ANK2: variants seen among roughly 807,000 people sequenced by gnomAD.
ANK2 encodes ankyrin 2, also known as ankyrin-2.
In ANK2, 83 loss-of-function variants were observed where a neutral mutation model predicts 360.5. That is an observed-to-expected ratio of 0.23 (90% CI 0.19 to 0.28). The LOEUF (loss-of-function observed/expected upper bound fraction) is 0.28. ANK2 is among the 10% of genes least tolerant of loss of function. ANK2 has a pLI of 1.00. For synonymous variants in ANK2, 1,740 were observed against 1,759.5 expected (o/e 0.99, Z 0.28); for missense variants, 4,201 against 4,795.7 (o/e 0.88, Z 3.66).
chr4:113,270,230 A>T (rs2057980969), intron 14 of ANK2, among the ~76,000 whole-genome samples: 1 of 152,214 alleles, frequency 6.6e-6, no homozygotes, highest in Non-Finnish European at 1.5e-5. Flanking sequence ...GTCTTAAAGT[A>T]AAACCCCTTA....
chr4:112,747,080 CCAA>C, the ANK2 span, among the ~76,000 whole-genome samples: 68 of 152,146 alleles, frequency 4.5e-4, no homozygotes, highest in Non-Finnish European at 3.8e-4. Flanking sequence ...GGGAGCAACA[CCAA>C]CCTTATCTCT....
At chr4:112,705,875 C>G in the ANK2 span, among the ~76,000 whole-genome samples, 246 of 152,032 alleles carry the variant, frequency 1.6e-3, no homozygotes, top group Non-Finnish European at 1.8e-3. Context: ...GCTTGCCCAG[C>G]CCCGCGGCCA....
At chr4:112,717,318 G>A in the ANK2 span, among the ~76,000 whole-genome samples, 9 of 151,842 alleles carry the variant, frequency 5.9e-5, no homozygotes, top group African/African-American at 1.2e-4. Context: ...TAAAAGATGC[G>A]CTTATTAAAC....
chr4:113,237,924 G>T (rs892893806), intron 7 of ANK2, among the ~76,000 whole-genome samples: 2 of 152,156 alleles, frequency 1.3e-5, no homozygotes, highest in Non-Finnish European at 2.9e-5. Flanking sequence ...GTCAAGAAGA[G>T]ATATGATTTT....
intron 1 of ANK2, among the ~76,000 whole-genome samples, chr4:113,073,054 C>T (rs1435089850): frequency 4.7e-5 from 7 of 149,944 alleles, no homozygotes; most frequent in African/African-American, 1.7e-4. Flanking sequence ...CTCCGCCTCC[C>T]ACGTTCAAGT....
At chr4:113,219,807 T>C (rs1315591285) in intron 4 of ANK2, among the ~76,000 whole-genome samples, 1 of 152,146 alleles carries the variant, frequency 6.6e-6, no homozygotes, top group African/African-American at 2.4e-5. Context: ...TCCTGGAAAA[T>C]GCTCCCTTAT....
the ANK2 span, among the ~76,000 whole-genome samples, chr4:112,809,385 C>A: frequency 1.3e-5 from 2 of 150,412 alleles, no homozygotes; most frequent in Admixed American, 1.3e-4. Context: ...CACGGTGAAA[C>A]CCCGTCTCTA....
intron 1 of ANK2, among the ~76,000 whole-genome samples, chr4:113,131,241 A>T (rs2096011763): frequency 6.6e-6 from 1 of 152,112 alleles, no homozygotes; most frequent in East Asian, 1.9e-4. Context: ...TCCTATTTGC[A>T]CTGTTTTCCT....
chr4:112,937,509 G>T (rs569223332), intron 2 of ANK2, among the ~76,000 whole-genome samples: 15 of 151,934 alleles, frequency 9.9e-5, no homozygotes, highest in Admixed American at 5.2e-4. Flanking sequence ...TGTGTTTTTA[G>T]TAGAGACTGG....
At position 113,337,169 on chromosome 4, in the gene ANK2, A is replaced by G. The variant is rs151157076; in HGVS notation, c.3796+388A>G. On this transcript the variant is annotated intron_variant, in intron 31 of 45. Transcript: ENST00000357077. ...AAGTTCAGGCTTCAAGCCTTCATTG[A>G]AGAGATCACTAAATCTGCTGGGAAA... Among the ~76,000 whole-genome samples the G allele has an allele frequency of 3.3e-5, 5 of 152,332 alleles. No individual in the cohort carries two copies. The East Asian group carries it at 9.6e-4, about 29-fold the overall frequency.
chr4:113,022,109 C>T (rs2058309487), intron 2 of ANK2, among the ~76,000 whole-genome samples: 1 of 152,120 alleles, frequency 6.6e-6, no homozygotes. Flanking sequence ...GAGAGAGAGA[C>T]AGACCCTACC....
chr4:112,842,301 C>T (rs201760530), intron 1 of ANK2, among the ~76,000 whole-genome samples: 1 of 152,216 alleles, frequency 6.6e-6, no homozygotes, highest in Non-Finnish European at 1.5e-5. Context: ...TGAGCTACCA[C>T]GCCCGGCCCA....
At chr4:113,054,963 C>T (rs1319031785) in intron 1 of ANK2, among the ~76,000 whole-genome samples, 3 of 152,220 alleles carry the variant, frequency 2.0e-5, no homozygotes, top group African/African-American at 7.2e-5. Flanking sequence ...GTCTGCTGAC[C>T]TCAACTACCA....
At chr4:112,763,454 G>T in the ANK2 span, among the ~76,000 whole-genome samples, 1 of 151,370 alleles carries the variant, frequency 6.6e-6, no homozygotes, top group East Asian at 1.9e-4. Flanking sequence ...GGATGGTCTC[G>T]ATCTCCTGAC....
At position 113,255,813 on chromosome 4, in the gene ANK2, C is replaced by T. The variant is rs2049005904; in HGVS notation, c.1069C>T (p.Pro357Ser). 6.2e-7 allele frequency: 1 copy of T among 1,614,222 alleles called. No homozygotes were observed. The highest frequency in any genetic ancestry group is 8.5e-7 in the Non-Finnish European group (1 of 1,180,044). ...GAAGCACCTGTTACAGCACAAGGCA[C>T]CTGTTGATGATGTCACCCTAGACTA... The part of the protein sequence containing the change: ...CVKHLLQHKA[P>S]VDDVTLDYLT... The change falls in exon 11 of 46, where the codon CCT becomes TCT. Residue 357 changes from proline (P) to serine (S), a missense_variant. Transcript: ENST00000357077.
At chr4:112,879,085 G>A (rs2076006980) in intron 1 of ANK2, among the ~76,000 whole-genome samples, 1 of 152,110 alleles carries the variant, frequency 6.6e-6, no homozygotes, top group African/African-American at 2.4e-5. Flanking sequence ...AAAATGAGAT[G>A]GAAGTTGCAT....
intron 1 of ANK2, among the ~76,000 whole-genome samples, chr4:113,077,848 T>G (rs908787680): frequency 2.0e-4 from 30 of 152,220 alleles, no homozygotes; most frequent in African/African-American, 7.2e-4. Flanking sequence ...AGAGCAGGCC[T>G]GCCCCAGTAT....
chr4:113,346,411 T>G (rs2094859901), intron 35 of ANK2, among the ~76,000 whole-genome samples: 1 of 152,194 alleles, frequency 6.6e-6, no homozygotes, highest in African/African-American at 2.4e-5. Context: ...CTCGTGCATT[T>G]GGCCCTATGA....
intron 2 of ANK2, among the ~76,000 whole-genome samples, chr4:112,939,486 T>C (rs2094033201): frequency 6.6e-6 from 1 of 151,828 alleles, no homozygotes; most frequent in South Asian, 2.1e-4. Context: ...ATTTTTTTTT[T>C]GTATTTTTAG....
Sources: allele counts gnomAD v4.1 joint callset (sites outside exome capture counted in the v4.1 genomes callset), GRCh38; gene constraint gnomAD v4.1.1; transcripts MANE v1.5; gene names NCBI Gene and HGNC (gene_info 2026-07-23, HGNC 2026-07-21).